Variants in UBE2E2 observed in about 807,000 individuals in gnomAD.
UBE2E2 encodes ubiquitin-conjugating enzyme E2 E2.
A neutral mutation model predicts 24.7 loss-of-function variants in UBE2E2; 6 were observed. The observed-to-expected ratio is 0.24, with a 90% confidence interval of 0.13 to 0.48. UBE2E2 has a LOEUF of 0.48. Among genes scored for constraint, UBE2E2 ranks in the 20% least tolerant of loss-of-function variants. The pLI, the probability that UBE2E2 is intolerant of heterozygous loss-of-function variation, is 0.99. For synonymous variants in UBE2E2, 104 were observed against 83.6 expected (o/e 1.24, Z -1.33); for missense variants, 169 against 245.0 (o/e 0.69, Z 2.07).
At chr3:23,439,121 C>G (rs1230841914) in intron 3 of UBE2E2, among the ~76,000 whole-genome samples, 3 of 152,172 alleles carry the variant, frequency 2.0e-5, no homozygotes, top group Admixed American at 1.3e-4. Flanking sequence ...TAAGTTGATT[C>G]AAAGAAATGT....
intron 3 of UBE2E2, among the ~76,000 whole-genome samples, chr3:23,312,177 C>G (rs562640147): frequency 6.6e-5 from 10 of 152,132 alleles, no homozygotes; most frequent in South Asian, 2.1e-4. Flanking sequence ...AGGCCTCCCC[C>G]CAAAAAAAAG....
intron 3 of UBE2E2, among the ~76,000 whole-genome samples, chr3:23,384,589 C>A (rs1696758372): frequency 6.6e-6 from 1 of 152,200 alleles, no homozygotes; most frequent in Non-Finnish European, 1.5e-5. Context: ...GTCACCCAGG[C>A]TGGAGTGCAG....
intron 3 of UBE2E2, among the ~76,000 whole-genome samples, chr3:23,262,307 G>A (rs1344511075): frequency 6.6e-6 from 1 of 152,092 alleles, no homozygotes; most frequent in Non-Finnish European, 1.5e-5. Flanking sequence ...TAGAAACAGA[G>A]TCGTGGTCTT....
intron 3 of UBE2E2, among the ~76,000 whole-genome samples, chr3:23,238,550 G>GT (rs897944127): frequency 7.9e-5 from 12 of 152,148 alleles, no homozygotes; most frequent in Non-Finnish European, 1.8e-4. Context: ...AGTAAAGGCT[G>GT]TTTTTTAAAA....
chr3:23,460,000 C>T (rs1477200763), intron 3 of UBE2E2, among the ~76,000 whole-genome samples: 4 of 152,150 alleles, frequency 2.6e-5, no homozygotes, highest in African/African-American at 7.2e-5. Context: ...GGGTAGGGGT[C>T]GAGTGCTTGT....
At chr3:23,397,027 C>T (rs1045381006) in intron 3 of UBE2E2, among the ~76,000 whole-genome samples, 1 of 152,130 alleles carries the variant, frequency 6.6e-6, no homozygotes, top group Non-Finnish European at 1.5e-5. Context: ...CTCTTCCTGA[C>T]ACTTTTCCAG....
chr3:23,535,940 C>T (rs1034731709), intron 5 of UBE2E2, among the ~76,000 whole-genome samples: 4 of 152,114 alleles, frequency 2.6e-5, no homozygotes, highest in African/African-American at 7.2e-5. Context: ...ATTTGTTAGA[C>T]GTTACCTGGC....
At chr3:23,243,169 A>G (rs949359838) in intron 3 of UBE2E2, among the ~76,000 whole-genome samples, 11 of 152,320 alleles carry the variant, frequency 7.2e-5, no homozygotes, top group African/African-American at 2.4e-4. Flanking sequence ...TTGAAGTTAA[A>G]GGAAACTACA....
intron 3 of UBE2E2, among the ~76,000 whole-genome samples, chr3:23,271,384 C>T (rs534711428): frequency 2.6e-5 from 4 of 152,210 alleles, no homozygotes; most frequent in African/African-American, 7.2e-5. Context: ...ATAAAGGTGG[C>T]GCGGACCCAA....
intron 3 of UBE2E2, among the ~76,000 whole-genome samples, chr3:23,405,486 A>C (rs76368394): frequency 0.015 from 2,253 of 152,280 alleles, 52 homozygotes; most frequent in African/African-American, 0.051. Context: ...GAGTATGAGT[A>C]CTGGCAGATG....
chr3:23,301,435 G>T (rs1249111142), intron 3 of UBE2E2, among the ~76,000 whole-genome samples: 2 of 152,208 alleles, frequency 1.3e-5, no homozygotes, highest in Non-Finnish European at 1.5e-5. Context: ...GGTCTTTGAT[G>T]ATGGTGATGT....
intron 3 of UBE2E2, chr3:23,271,285 G>A (rs1698234374): frequency 3.4e-6 from 1 of 298,266 alleles, no homozygotes; most frequent in Non-Finnish European, 6.5e-6. Context: ...ATGTTCAGAT[G>A]TTTCTGGAGT....
intron 1 of UBE2E2, chr3:23,204,902 G>A (rs1696104350): frequency 3.2e-6 from 1 of 316,394 alleles, no homozygotes; most frequent in South Asian, 1.2e-4. Context: ...TGGTTTTGCA[G>A]TTTTATACTA....
intron 3 of UBE2E2, among the ~76,000 whole-genome samples, chr3:23,288,216 A>T (rs1188114156): frequency 1.3e-5 from 2 of 152,112 alleles, no homozygotes; most frequent in African/African-American, 2.4e-5. Flanking sequence ...ATACGTTTGT[A>T]TAGTTTTGAA....
intron 3 of UBE2E2, among the ~76,000 whole-genome samples, chr3:23,459,329 G>A (rs1486623476): frequency 6.6e-6 from 1 of 152,170 alleles, no homozygotes; most frequent in East Asian, 1.9e-4. Context: ...CATTGACAAG[G>A]CAGATGTGAC....
chr3:23,348,347 C>CAAAAAAAAAAAAAAAAA (rs35038477), intron 3 of UBE2E2, among the ~76,000 whole-genome samples: 28 of 121,952 alleles, frequency 2.3e-4, no homozygotes, highest in East Asian at 1.5e-3. Flanking sequence ...GTGCTGCTTT[C>CAAAAAAAAAAAAAAAAA]AAAAAAAAAA....
At chr3:23,482,036 C>T (rs1156741281) in intron 3 of UBE2E2, among the ~76,000 whole-genome samples, 2 of 152,188 alleles carry the variant, frequency 1.3e-5, no homozygotes, top group Non-Finnish European at 2.9e-5. Flanking sequence ...AAATGTTTTA[C>T]AACAGCCAAC....
At position 23,576,921 on chromosome 3, in the gene UBE2E2, G is replaced by T. The variant is rs201469309; in HGVS notation, c.509-12813G>T. On this transcript the variant is annotated intron_variant, in intron 5 of 5. Transcript: ENST00000396703. ...GTGTTTCACATATACTGTTGTTATT[G>T]TTTTTTTTTTTTAACAAATTGAAGG... Among the ~76,000 whole-genome samples, 1,059 of 147,178 alleles carry T rather than the reference G, an allele frequency of 7.2e-3. 5 individuals are homozygous for T. The highest frequency in any genetic ancestry group is 0.024 in the African/African-American group (979 of 40,356).
intron 3 of UBE2E2, among the ~76,000 whole-genome samples, chr3:23,369,132 C>A (rs1255498944): frequency 6.6e-6 from 1 of 152,068 alleles, no homozygotes; most frequent in Non-Finnish European, 1.5e-5. Flanking sequence ...CAAAGAGTAG[C>A]TTTTATCATG....
Sources: gnomAD v4.1 joint callset for allele counts (sites outside exome capture counted in the v4.1 genomes callset) on GRCh38, gnomAD v4.1.1 for gene constraint, MANE v1.5 for transcripts, NCBI Gene and HGNC (gene_info 2026-07-23, HGNC 2026-07-21) for gene names.